The following KIAA1549L variants were observed in gnomAD, a reference collection of about 807,000 sequenced individuals.
KIAA1549L encodes KIAA1549 like.
In KIAA1549L, 88 loss-of-function variants were observed where a neutral mutation model predicts 160.7. The observed-to-expected ratio is 0.55, with a 90% CI of 0.46 to 0.65. The LOEUF is 0.65. KIAA1549L is among the 30% of genes least tolerant of loss of function. The probability of loss-of-function intolerance (pLI) is 0.00; values close to 1 mark genes in which losing one functional copy is unlikely to be tolerated. For synonymous variants in KIAA1549L, 950 were observed against 976.7 expected (o/e 0.97, Z 0.51); for missense variants, 2,258 against 2,437.5 (o/e 0.93, Z 1.55).
chr11:33,450,249 AATCAAAGACGT>A (rs771714404), intron 1 of KIAA1549L, among the ~76,000 whole-genome samples: 20 of 152,248 alleles, frequency 1.3e-4, no homozygotes, highest in Non-Finnish European at 2.2e-4. Context: ...ATTTAGGTGC[AATCAAAGACGT>A]ATCCGTAGAA....
chr11:33,622,317 G>A (rs1007815724), intron 16 of KIAA1549L, among the ~76,000 whole-genome samples: 1 of 152,130 alleles, frequency 6.6e-6, no homozygotes, highest in Admixed American at 6.5e-5. Flanking sequence ...AATCATCGGC[G>A]GGTTGAAGGA....
chr11:33,666,596 G>A (rs577496100), intron 20 of KIAA1549L, among the ~76,000 whole-genome samples: 1 of 152,122 alleles, frequency 6.6e-6, no homozygotes, highest in East Asian at 1.9e-4. Flanking sequence ...CAGCATCCCT[G>A]TATGTGCCAC....
At chr11:33,431,670 A>G (rs767166314) in intron 1 of KIAA1549L, among the ~76,000 whole-genome samples, 3 of 152,268 alleles carry the variant, frequency 2.0e-5, no homozygotes, top group Non-Finnish European at 4.4e-5. Context: ...TCAGGAGCCC[A>G]GCTGGCTTCA....
chr11:33,665,280 G>C (rs1179310578), intron 20 of KIAA1549L: 1 of 152,336 alleles, frequency 6.6e-6, no homozygotes, highest in Non-Finnish European at 1.5e-5. Flanking sequence ...ACAGTGGGTA[G>C]CTTCTCTCTG....
intron 13 of KIAA1549L, among the ~76,000 whole-genome samples, chr11:33,604,775 G>T (rs965752515): frequency 1.3e-5 from 2 of 152,152 alleles, no homozygotes; most frequent in Non-Finnish European, 2.9e-5. Flanking sequence ...CACACAGAGT[G>T]ATATAATGGA....
chr11:33,607,285 T>C (rs920939979), intron 14 of KIAA1549L, among the ~76,000 whole-genome samples: 3 of 152,134 alleles, frequency 2.0e-5, no homozygotes, highest in African/African-American at 7.2e-5. Flanking sequence ...CATTTATTCC[T>C]TTGAGCAAAC....
intron 1 of KIAA1549L, among the ~76,000 whole-genome samples, chr11:33,420,318 T>C (rs1850985649): frequency 6.8e-6 from 1 of 147,676 alleles, no homozygotes; most frequent in African/African-American, 2.5e-5. Flanking sequence ...AACCTCGACC[T>C]CTCAGGCTCA....
At position 33,544,786 on chromosome 11, in the gene KIAA1549L, G is replaced by C; in HGVS notation, c.2793G>C (p.Lys931Asn). The C allele has an allele frequency of 6.2e-7, 1 of 1,603,998 alleles. No individual in the cohort carries two copies. Among genetic ancestry groups the C allele is most frequent in the East Asian group, 2.2e-5 (1 of 44,582 alleles). Reference sequence around the variant, plus strand: ...TTACAGCGGACACAGTATCATCTAAGGTACAGCCAACAGCAGCAGCTGCCG... The same window carrying C: ...TTACAGCGGACACAGTATCATCTAACGTACAGCCAACAGCAGCAGCTGCCG... ...KKWTADTVSSKVQPTAAAAVT... is the reference protein window; with the variant it reads ...KKWTADTVSSNVQPTAAAAVT... The change falls in exon 3 of 21, where the codon AAG (lysine) becomes AAC (asparagine). Residue 931 changes from lysine to asparagine, a missense_variant. By Grantham distance (94) the Lys-to-Asn change is moderately conservative. Coordinates refer to ENST00000658780, the MANE Select transcript of KIAA1549L (RefSeq NM_012194.3).
intron 1 of KIAA1549L, among the ~76,000 whole-genome samples, chr11:33,538,909 A>G (rs1348805711): frequency 6.6e-6 from 1 of 152,224 alleles, no homozygotes; most frequent in Non-Finnish European, 1.5e-5. Context: ...CTCTGCCTAC[A>G]GATAGCATAG....
intron 1 of KIAA1549L, among the ~76,000 whole-genome samples, chr11:33,445,903 C>CA (rs1385743207): frequency 5.3e-5 from 8 of 152,210 alleles, no homozygotes; most frequent in African/African-American, 1.9e-4. Flanking sequence ...AGTGGGCCCT[C>CA]ATAGACACTG....
chr11:33,435,759 G>GAGAGAGATATAT (rs1429879805), intron 1 of KIAA1549L, among the ~76,000 whole-genome samples: 2 of 14,994 alleles, frequency 1.3e-4, no homozygotes, highest in Non-Finnish European at 2.3e-4. Context: ...GAACCAATAA[G>GAGAGAGATATAT]ATATATATAT....
At chr11:33,568,671 T>G (rs1296631056) in intron 9 of KIAA1549L, among the ~76,000 whole-genome samples, 1 of 152,130 alleles carries the variant, frequency 6.6e-6, no homozygotes, top group Non-Finnish European at 1.5e-5. Flanking sequence ...CTGTATGTAG[T>G]CAGTTTCAAC....
At chr11:33,512,949 A>G (rs1340843850) in intron 1 of KIAA1549L, among the ~76,000 whole-genome samples, 1 of 152,088 alleles carries the variant, frequency 6.6e-6, no homozygotes, top group Admixed American at 6.6e-5. Flanking sequence ...AAGAAAGTGG[A>G]GAGAAAAATT....
At chr11:33,660,762 C>T in intron 19 of KIAA1549L, 101 bp from the exon 20 acceptor site, 2 of 1,162,152 alleles carry the variant, frequency 1.7e-6, no homozygotes, top group Admixed American at 2.1e-5. Context: ...ATCCAGCAGC[C>T]AGCCAGGGAG....
chr11:33,595,810 T>G (rs1211956779), intron 12 of KIAA1549L, among the ~76,000 whole-genome samples: 3 of 152,204 alleles, frequency 2.0e-5, no homozygotes, highest in Non-Finnish European at 4.4e-5. Flanking sequence ...GTTTCTCAAG[T>G]GAAAACCAGG....
chr11:33,595,165 A>G (rs1455357160), intron 12 of KIAA1549L, among the ~76,000 whole-genome samples: 3 of 152,194 alleles, frequency 2.0e-5, no homozygotes, highest in African/African-American at 7.2e-5. Flanking sequence ...ATATTAACTG[A>G]TGAAACAAAT....
intron 8 of KIAA1549L, among the ~76,000 whole-genome samples, chr11:33,563,880 A>G (rs1273603918): frequency 6.6e-6 from 1 of 152,132 alleles, no homozygotes; most frequent in South Asian, 2.1e-4. Context: ...TCTTCACCAC[A>G]GGCTGTCCTT....
At chr11:33,598,416 G>A (rs887806023) in intron 12 of KIAA1549L, among the ~76,000 whole-genome samples, 41 of 152,260 alleles carry the variant, frequency 2.7e-4, no homozygotes, top group African/African-American at 9.6e-4. Flanking sequence ...AGAGAACCAC[G>A]TGTGATACAT....
intron 20 of KIAA1549L, among the ~76,000 whole-genome samples, chr11:33,663,990 G>A (rs994779732): frequency 2.6e-5 from 4 of 152,294 alleles, no homozygotes; most frequent in Non-Finnish European, 4.4e-5. Context: ...TCCTGGTCTT[G>A]GTTCTTTGGT....
Sources: gnomAD v4.1 joint callset for allele counts (sites outside exome capture counted in the v4.1 genomes callset) on GRCh38, gnomAD v4.1.1 for gene constraint, MANE v1.5 for transcripts, NCBI Gene and HGNC (gene_info 2026-07-23, HGNC 2026-07-21) for gene names.